The following PTK2 variants were observed in gnomAD, a reference collection of about 807,000 sequenced individuals.
PTK2 encodes focal adhesion kinase 1.
PTK2 carries 45 observed loss-of-function variants against 150.1 expected under a neutral mutation model. That is an observed-to-expected ratio of 0.30 (90% CI 0.24 to 0.38). PTK2 has a LOEUF of 0.38. Ranked by LOEUF, PTK2 falls within the 10% of genes least tolerant of loss-of-function variation. PTK2 has a pLI of 1.00. For missense variants in PTK2, 919 were observed against 1,307.3 expected (o/e 0.70, Z 4.58); for synonymous variants, 432 against 449.2 (o/e 0.96, Z 0.48).
rs1269258568 is a variant in PTK2 at position 140,693,574 on chromosome 8, A to T, written c.2500-6880T>A. On this transcript the variant is annotated intron_variant, in intron 26 of 31. Coordinates refer to ENST00000522684, the Ensembl canonical transcript of PTK2. ...AGACTTTGTCTCAATTAAAAAAAAA[A>T]AAAAAAAAAAAAAAAAAAAAAAAAA... is the stretch of plus-strand genomic sequence containing the variant. Among the ~76,000 whole-genome samples the T allele has an allele frequency of 5.0e-3, 253 of 50,470 alleles. 25 individuals are homozygous for T. The highest frequency in any genetic ancestry group is 0.013 in the African/African-American group (234 of 17,840). 33.1% of individuals were successfully genotyped at this position (50,470 alleles called of 152,430 possible).
intron 1 of PTK2, among the ~76,000 whole-genome samples, chr8:140,982,137 G>A (rs2100191673): frequency 6.7e-6 from 1 of 149,386 alleles, no homozygotes; most frequent in Non-Finnish European, 1.5e-5. Context: ...AACCAATACA[G>A]CAAAGCATAG....
At chr8:140,998,907 T>C (rs1034629789) in intron 1 of PTK2, among the ~76,000 whole-genome samples, 2 of 152,170 alleles carry the variant, frequency 1.3e-5, no homozygotes, top group Non-Finnish European at 2.9e-5. Flanking sequence ...GAACATGATT[T>C]TGAGGACTGA....
intron 4 of PTK2, among the ~76,000 whole-genome samples, chr8:140,866,819 G>A (rs1224806298): frequency 6.6e-6 from 1 of 152,160 alleles, no homozygotes; most frequent in African/African-American, 2.4e-5. Flanking sequence ...AAATATATGT[G>A]AGATGGCAGT....
rs148584525 is a variant in PTK2, at chr8:140,759,775, C to T, written c.1332+1390G>A. 4.5e-3 allele frequency among the ~76,000 whole-genome samples: 690 copies of T among 151,746 alleles called. 4 individuals carry two copies. Among genetic ancestry groups the T allele is most frequent in the African/African-American group, 0.016 (648 of 41,358 alleles). The stretch of plus-strand genomic sequence containing the variant: ...GGAGGATAACTTGAGTTCAGAAAGT[C>T]GAGGCCACGGTGAGCCATGATTGCG... On this transcript the variant is annotated intron_variant, in intron 16 of 31. Transcript: ENST00000522684.
intron 1 of PTK2, among the ~76,000 whole-genome samples, chr8:140,956,497 T>C (rs192864795): frequency 9.8e-5 from 15 of 152,362 alleles, no homozygotes; most frequent in Non-Finnish European, 1.5e-5. Context: ...TACTGGCTTA[T>C]TTATTGTGCA....
chr8:140,990,522 G>A (rs1014070837), intron 1 of PTK2, among the ~76,000 whole-genome samples: 7 of 152,226 alleles, frequency 4.6e-5, no homozygotes, highest in African/African-American at 9.6e-5. Flanking sequence ...GGTTACAGGC[G>A]TGAGTCAACA....
At chr8:140,960,398 C>T (rs185419347) in intron 1 of PTK2, among the ~76,000 whole-genome samples, 6 of 151,824 alleles carry the variant, frequency 4.0e-5, no homozygotes, top group African/African-American at 9.7e-5. Context: ...TTAGTAGAGA[C>T]GGGGTTTCAC....
chr8:140,749,475 A>G (rs1237089294), intron 17 of PTK2, among the ~76,000 whole-genome samples: 2 of 152,224 alleles, frequency 1.3e-5, no homozygotes, highest in Non-Finnish European at 2.9e-5. Flanking sequence ...ACCCAAACTG[A>G]ACTAAAAATC....
At chr8:140,706,073 CTAAA>C (rs763077969) in intron 24 of PTK2, 42 bp downstream of exon 27, 4 of 1,476,270 alleles carry the variant, frequency 2.7e-6, no homozygotes, top group Non-Finnish European at 3.8e-6. Context: ...CCCAAAAGCG[CTAAA>C]TAATAAAATA....
chr8:140,929,700 T>C (rs1167132858), intron 1 of PTK2, among the ~76,000 whole-genome samples: 1 of 152,136 alleles, frequency 6.6e-6, no homozygotes, highest in Non-Finnish European at 1.5e-5. Context: ...TTCAGTTTAT[T>C]TCAAGTATCC....
At chr8:140,818,492 T>A in intron 9 of PTK2, 138 bp from the exon 10 acceptor site, 2 of 722,892 alleles carry the variant, frequency 2.8e-6, no homozygotes, top group Non-Finnish European at 4.7e-6. Flanking sequence ...CCAAATAAGA[T>A]AAAATATTTA....
intron 20 of PTK2, among the ~76,000 whole-genome samples, chr8:140,739,785 C>T (rs907915568): frequency 3.9e-5 from 6 of 152,120 alleles, no homozygotes; most frequent in African/African-American, 1.4e-4. Context: ...TGTGCCGTCC[C>T]CTCCCAGCCC....
At chr8:140,882,546 G>C (rs2100149806) in intron 3 of PTK2, among the ~76,000 whole-genome samples, 1 of 152,144 alleles carries the variant, frequency 6.6e-6, no homozygotes, top group African/African-American at 2.4e-5. Context: ...CCAAGTGTCA[G>C]AAATACACAA....
intron 1 of PTK2, among the ~76,000 whole-genome samples, chr8:140,975,689 C>A (rs1323868695): frequency 6.6e-6 from 1 of 152,152 alleles, no homozygotes; most frequent in African/African-American, 2.4e-5. Flanking sequence ...GCTGAAGTTT[C>A]TACTCTCCGG....
intron 1 of PTK2, among the ~76,000 whole-genome samples, chr8:140,931,216 T>C (rs530889850): frequency 2.0e-5 from 3 of 152,348 alleles, no homozygotes; most frequent in South Asian, 4.1e-4. Context: ...AGAATCACTG[T>C]TCCTAATTGT....
intron 22 of PTK2, chr8:140,721,824 C>T (rs2100043048): frequency 6.6e-6 from 1 of 152,210 alleles, no homozygotes; most frequent in South Asian, 2.1e-4. Flanking sequence ...GAAAAATCTT[C>T]CCTGAAGCTC....
At chr8:140,758,994 C>T (rs1251508370) in intron 16 of PTK2, among the ~76,000 whole-genome samples, 2 of 152,290 alleles carry the variant, frequency 1.3e-5, no homozygotes, top group Admixed American at 1.3e-4. Flanking sequence ...ATGCCATACA[C>T]GTTTGTAGCC....
exon 4 of PTK2, chr8:140,879,494 A>C (rs1183522438): frequency 6.2e-7 from 1 of 1,613,136 alleles, no homozygotes; most frequent in South Asian, 1.1e-5. Flanking sequence ...GTGGGTGAGC[A>C]AGCTCATACT....
chr8:140,769,635 A>G, intron 14 of PTK2, 43 bp from the exon 16 acceptor site: 1 of 1,302,676 alleles, frequency 7.7e-7, no homozygotes, highest in African/African-American at 1.5e-5. Flanking sequence ...AGTAGGGAAC[A>G]GAGGGAGGGA....
Sources: allele counts gnomAD v4.1 joint callset (sites outside exome capture counted in the v4.1 genomes callset), GRCh38; gene constraint gnomAD v4.1.1; transcripts MANE v1.5; gene names NCBI Gene and HGNC (gene_info 2026-07-23, HGNC 2026-07-21).